AP4B1: variants seen among roughly 807,000 people sequenced by gnomAD.
AP4B1 encodes AP-4 complex subunit beta-1.
A neutral mutation model predicts 76.5 loss-of-function variants in AP4B1; 49 were observed. That is an observed-to-expected ratio of 0.64 (90% CI 0.51 to 0.81). The LOEUF is 0.81. Among genes scored for constraint, AP4B1 ranks in the 40% least tolerant of loss-of-function variants. AP4B1 has a pLI of 0.00. For synonymous variants in AP4B1, 330 were observed against 333.3 expected (o/e 0.99, Z 0.11); for missense variants, 911 against 904.9 (o/e 1.01, Z -0.09).
chr1:113,899,716 C>G, intron 5 of AP4B1, 188 bp downstream of exon 5: 1 of 832,590 alleles, frequency 1.2e-6, no homozygotes. Flanking sequence ...CAATCTTGAC[C>G]AAAAAAAAAC....
chr1:113,897,736 C>T (rs2101007903), intron 7 of AP4B1, 104 bp downstream of exon 7: 1 of 1,227,444 alleles, frequency 8.1e-7, no homozygotes, highest in Admixed American at 1.9e-5. Flanking sequence ...TCGAAGAGTG[C>T]CCACTTCAAA....
intron 4 of AP4B1, 145 bp downstream of exon 4, chr1:113,901,090 AG>A (rs1327788301): frequency 8.4e-7 from 1 of 1,189,252 alleles, no homozygotes; most frequent in Non-Finnish European, 1.2e-6. Context: ...TTAGACAACA[AG>A]AGCAAAACTC....
rs755596883 is a variant in AP4B1, at chr1:113,896,016, T to C, written c.1533A>G (p.Val511=). The C allele has an allele frequency of 5.6e-6, 9 of 1,614,120 alleles. No homozygotes were observed. The highest frequency in any genetic ancestry group is 2.2e-5 in the South Asian group (2 of 91,086). Residue 511 remains valine, a synonymous_variant, in exon 9 of 10, where the codon GTA becomes GTG. Coordinates refer to ENST00000369569, the MANE Select transcript of AP4B1 (RefSeq NM_001253852.3). Reference sequence around the variant, plus strand: ...GATAATAGAAGAGACCTCGGTCCCGTACAGCCATATCTTTTTCTTCCTCTG... The same window carrying C: ...GATAATAGAAGAGACCTCGGTCCCGCACAGCCATATCTTTTTCTTCCTCTG... ...YCIEEEKDMA[V]RDRGLFYYRL...
intron 3 of AP4B1, 152 bp downstream of exon 3, chr1:113,901,603 C>T (rs1173290087): frequency 2.4e-6 from 3 of 1,261,400 alleles, no homozygotes; most frequent in Non-Finnish European, 3.4e-6. Flanking sequence ...AAGGACTTCT[C>T]ATCTCCAGAA....
intron 2 of AP4B1, 123 bp downstream of exon 2, chr1:113,902,515 A>G: frequency 2.0e-6 from 2 of 987,074 alleles, no homozygotes; most frequent in African/African-American, 1.6e-5. Flanking sequence ...ATCTGAGTTC[A>G]GGGTACAATA....
intron 5 of AP4B1, chr1:113,899,219 C>A: frequency 9.7e-7 from 1 of 1,026,094 alleles, no homozygotes; most frequent in Non-Finnish European, 1.2e-6. Flanking sequence ...CCTAAAATAA[C>A]CATGCTTTAT....
intron 1 of AP4B1, among the ~76,000 whole-genome samples, chr1:113,903,212 C>T (rs550661654): frequency 2.6e-5 from 4 of 152,280 alleles, no homozygotes; most frequent in Admixed American, 2.6e-4. Flanking sequence ...ACTACAGGTG[C>T]GTGCCACCAC....
In AP4B1 at chr1:113,901,839, G is replaced by T; in HGVS notation, c.385C>A (p.Leu129Met). The T allele has an allele frequency of 6.2e-7, 1 of 1,614,138 alleles. No homozygotes were observed. The highest frequency in any genetic ancestry group is 8.5e-7 in the Non-Finnish European group (1 of 1,180,024). ...EYIQQPILNG[L>M]RDKASYVRRV... Reference sequence around the variant, plus strand: ...CTGACATATGAAGCCTTATCCCGCAGACCATTGAGAATAGGCTGTTGTATA... The same window carrying T: ...CTGACATATGAAGCCTTATCCCGCATACCATTGAGAATAGGCTGTTGTATA... The change falls in exon 3 of 10, where the codon CTG (leucine) becomes ATG (methionine). Residue 129 changes from leucine to methionine, a missense_variant. Physicochemically the swap from Leu to Met is conservative, Grantham distance 15. Coordinates refer to ENST00000369569, the MANE Select transcript of AP4B1 (RefSeq NM_001253852.3).
At chr1:113,898,585 C>T in intron 6 of AP4B1, 133 bp downstream of exon 6, 1 of 785,986 alleles carries the variant, frequency 1.3e-6, no homozygotes, top group South Asian at 1.4e-5. Context: ...GCTTCTCTAA[C>T]AGCAACAGAT....
Position 113,895,161 on chromosome 1 carries a change from G to C in AP4B1, c.2124C>G (p.Ile708Met). The change falls in exon 10 of 10, where the codon ATC becomes ATG. Residue 708 changes from isoleucine to methionine, a missense_variant. By Grantham distance (10) the Ile-to-Met change is conservative. Transcript: ENST00000369569. ...TTCTTGCTTCATTTTGTTTCACAGAGATCTGCATTTCTGAGTTTCCAGGCT... is the reference window on the plus strand; with the variant it reads ...TTCTTGCTTCATTTTGTTTCACAGACATCTGCATTTCTGAGTTTCCAGGCT... Reference protein sequence around the residue: ...LLEPGNSEMQISVKQNEARTE... With the variant: ...LLEPGNSEMQMSVKQNEARTE... 1 of 1,614,156 alleles carries C rather than the reference G, an allele frequency of 6.2e-7. No individual in the cohort carries two copies. The highest frequency in any genetic ancestry group is 8.5e-7 in the Non-Finnish European group (1 of 1,180,024).
In AP4B1 at chr1:113,899,982, G is replaced by A. The variant is rs766911553; in HGVS notation, c.1036C>T (p.Gln346Ter). 1 of 1,614,150 alleles carries A rather than the reference G, an allele frequency of 6.2e-7. No homozygotes were observed. Among genetic ancestry groups the A allele is most frequent in the African/African-American group, 1.3e-5 (1 of 75,034 alleles). Residue 346 changes from glutamine to a stop codon, truncating the protein, a stop_gained, in exon 5 of 10, where the codon CAG becomes TAG. Coordinates refer to ENST00000369569, the MANE Select transcript of AP4B1 (RefSeq NM_001253852.3). LOFTEE classifies it high-confidence loss of function. ...LCELVNDENV[Q>*]QVLEELRGYC... ...CCTCGAAGCTCCTCTAGCACCTGCT[G>A]CACATTCTCATCGTTCACCAGTTCA...
chr1:113,899,125 C>T, intron 5 of AP4B1: 4 of 1,156,244 alleles, frequency 3.5e-6, no homozygotes, highest in Non-Finnish European at 4.3e-6. Flanking sequence ...TGCAGCACAC[C>T]TGCAATGGAG....
intron 5 of AP4B1, chr1:113,899,147 G>A: frequency 9.0e-7 from 1 of 1,116,842 alleles, no homozygotes; most frequent in Non-Finnish European, 1.1e-6. Context: ...ATTTTTGTGG[G>A]GGACACTTGA....
In AP4B1 at chr1:113,895,764, G is replaced by A. The variant is rs756780827; in HGVS notation, c.1785C>T (p.Ala595=). ...GGTAAGGACTGTTTTTACCTGATGC[G>A]GCAAAGGATGAAGTTTTAGGAAGCT... ...DPELPKTSSF[A]ASGPLIPEEN... The change falls in exon 9 of 10, where the codon GCC becomes GCT. Residue 595 remains alanine, a synonymous_variant. Transcript: ENST00000369569. 1.6e-5 allele frequency: 26 copies of A among 1,613,972 alleles called. No individual in the cohort carries two copies. The highest frequency in any genetic ancestry group is 7.7e-5 in the South Asian group (7 of 91,078).
intron 5 of AP4B1, 85 bp downstream of exon 5, chr1:113,899,819 C>A: frequency 6.2e-7 from 1 of 1,604,582 alleles, no homozygotes; most frequent in Non-Finnish European, 8.5e-7. Context: ...AAGATTCATG[C>A]CCTTTGCTCT....
intron 6 of AP4B1, 94 bp downstream of exon 6, chr1:113,898,624 A>G (rs553872599): frequency 3.3e-5 from 31 of 934,834 alleles, no homozygotes; most frequent in East Asian, 2.6e-4. Flanking sequence ...TCAAATCTCT[A>G]TATTACTCAT....
At chr1:113,899,758 T>G in intron 5 of AP4B1, 146 bp downstream of exon 5, 1 of 1,315,010 alleles carries the variant, frequency 7.6e-7, no homozygotes, top group Non-Finnish European at 1.1e-6. Context: ...TTCCCCCGTG[T>G]TTGTAGTCAC....
upstream of AP4B1, chr1:113,904,869 G>C (rs1462833349): frequency 1.4e-6 from 1 of 715,230 alleles, no homozygotes; most frequent in Non-Finnish European, 2.5e-6. Context: ...CGTAGGGCCG[G>C]CACGCTGGCC....
chr1:113,899,976 C>T lies in AP4B1; in HGVS notation c.1042G>A (p.Val348Met), dbSNP rs150622512. The change falls in exon 5 of 10, where the codon GTG becomes ATG. Residue 348 changes from valine to methionine, a missense_variant. Val to Met is a conservative substitution (Grantham distance 21). Coordinates refer to ENST00000369569, the MANE Select transcript of AP4B1 (RefSeq NM_001253852.3). ...ELVNDENVQQ[V>M]LEELRGYCTD... ...CAGTACCCTCGAAGCTCCTCTAGCA[C>T]CTGCTGCACATTCTCATCGTTCACC... 25 of 1,614,002 alleles carry T rather than the reference C, an allele frequency of 1.5e-5. No homozygotes were observed. The African/African-American group carries it at 3.3e-4, about 22-fold the overall frequency.
Sources: allele counts gnomAD v4.1 joint callset (sites outside exome capture counted in the v4.1 genomes callset), GRCh38; gene constraint gnomAD v4.1.1; transcripts MANE v1.5; gene names NCBI Gene and HGNC (gene_info 2026-07-23, HGNC 2026-07-21).